Variants in SYCP1 observed in about 807,000 individuals in gnomAD.
The protein encoded by SYCP1 is synaptonemal complex protein 1.
Under a neutral mutation model 153.1 loss-of-function variants are expected in SYCP1, and 64 were observed. The observed-to-expected ratio is 0.42, with a 90% CI of 0.34 to 0.51. The LOEUF is 0.51. SYCP1 is among the 20% of genes least tolerant of loss of function. The probability of loss-of-function intolerance (pLI) is 0.06; values close to 1 mark genes in which losing one functional copy is unlikely to be tolerated. For synonymous variants in SYCP1, 384 were observed against 341.8 expected (o/e 1.12, Z -1.36); for missense variants, 997 against 1,049.0 (o/e 0.95, Z 0.68).
chr1:114,977,702 A>T, intron 28 of SYCP1, 86 bp downstream of exon 28: 2 of 853,780 alleles, frequency 2.3e-6, no homozygotes, highest in Non-Finnish European at 3.5e-6. Context: ...TATAAGTAGG[A>T]AAATAACATT....
intron 15 of SYCP1, among the ~76,000 whole-genome samples, chr1:114,889,477 G>C (rs925037941): frequency 6.6e-6 from 1 of 152,060 alleles, no homozygotes; most frequent in African/African-American, 2.4e-5. Flanking sequence ...TTTTTCATAT[G>C]TCTGTTGGCT....
chr1:114,857,136 CAAAAAAA>C (rs71582509), intron 3 of SYCP1, 89 bp from the exon 4 acceptor site: 99 of 245,170 alleles, frequency 4.0e-4, no homozygotes, highest in Admixed American at 5.5e-4. Context: ...CTCTCTCTCT[CAAAAAAA>C]AAAAAAAAAA....
chr1:114,930,893 T>C (rs1268849116), intron 23 of SYCP1, among the ~76,000 whole-genome samples: 1 of 151,832 alleles, frequency 6.6e-6, no homozygotes, highest in Non-Finnish European at 1.5e-5. Flanking sequence ...CTAATCTAGA[T>C]TTTAATACAT....
At chr1:114,920,780 G>A (rs1250338377) in intron 20 of SYCP1, among the ~76,000 whole-genome samples, 2 of 151,844 alleles carry the variant, frequency 1.3e-5, no homozygotes, top group Admixed American at 1.3e-4. Flanking sequence ...ATAATGTCTG[G>A]CATAAGTATA....
chr1:114,974,928 C>A (rs1672717708), intron 27 of SYCP1, among the ~76,000 whole-genome samples: 1 of 151,666 alleles, frequency 6.6e-6, no homozygotes, highest in African/African-American at 2.4e-5. Flanking sequence ...GTGACTGTAC[C>A]ATTTGACATT....
At chr1:114,865,384 C>T (rs993219813) in intron 8 of SYCP1, among the ~76,000 whole-genome samples, 3 of 152,194 alleles carry the variant, frequency 2.0e-5, no homozygotes, top group Admixed American at 6.5e-5. Flanking sequence ...TCTGAGTCCT[C>T]TTCAGATTTC....
chr1:114,868,198 G>A (rs1247803638), intron 8 of SYCP1, among the ~76,000 whole-genome samples: 1 of 151,590 alleles, frequency 6.6e-6, no homozygotes, highest in Non-Finnish European at 1.5e-5. Flanking sequence ...CTATTCACAG[G>A]CATGATCATA....
intron 19 of SYCP1, 24 bp from the exon 20 acceptor site, chr1:114,913,951 A>G: frequency 6.8e-7 from 1 of 1,463,718 alleles, no homozygotes; most frequent in Middle Eastern, 2.2e-4. Flanking sequence ...AAAATAATTG[A>G]TATAAACAAC....
At chr1:114,931,811 A>G (rs1228800096) in intron 23 of SYCP1, among the ~76,000 whole-genome samples, 1 of 152,162 alleles carries the variant, frequency 6.6e-6, no homozygotes, top group Non-Finnish European at 1.5e-5. Flanking sequence ...TGATTTCAAG[A>G]TTTGCTGTAA....
chr1:114,957,143 G>A (rs571130756), intron 27 of SYCP1, among the ~76,000 whole-genome samples: 2 of 152,078 alleles, frequency 1.3e-5, no homozygotes, highest in East Asian at 3.9e-4. Context: ...TAGCTCACTG[G>A]AATCTCCAAC....
chr1:114,980,284 GT>G (rs1673065973), intron 28 of SYCP1, among the ~76,000 whole-genome samples: 1 of 151,826 alleles, frequency 6.6e-6, no homozygotes, highest in African/African-American at 2.4e-5. Context: ...ATGAGCATGA[GT>G]TTCATGTAGA....
chr1:114,958,521 A>G (rs1301336505), intron 27 of SYCP1, among the ~76,000 whole-genome samples: 3 of 152,170 alleles, frequency 2.0e-5, no homozygotes, highest in Non-Finnish European at 4.4e-5. Flanking sequence ...ATTATGTATC[A>G]TATACAGATA....
intron 25 of SYCP1, 131 bp from the exon 26 acceptor site, chr1:114,946,158 A>G (rs1268503632): frequency 3.5e-6 from 1 of 285,372 alleles, no homozygotes; most frequent in Non-Finnish European, 6.3e-6. Context: ...ATTTATAAAC[A>G]TAAGTTTCTG....
intron 16 of SYCP1, among the ~76,000 whole-genome samples, chr1:114,902,290 T>TG (rs1303115922): frequency 3.3e-5 from 5 of 152,028 alleles, no homozygotes; most frequent in Non-Finnish European, 5.9e-5. Flanking sequence ...GAGAAAAAGA[T>TG]GTTTTTTTTT....
intron 23 of SYCP1, among the ~76,000 whole-genome samples, chr1:114,941,853 A>G (rs1670412660): frequency 6.6e-6 from 1 of 152,136 alleles, no homozygotes; most frequent in African/African-American, 2.4e-5. Context: ...AAAATATTGT[A>G]TTAAATTACC....
intron 21 of SYCP1, among the ~76,000 whole-genome samples, chr1:114,925,164 T>C (rs985229054): frequency 6.6e-6 from 1 of 152,144 alleles, no homozygotes; most frequent in African/African-American, 2.4e-5. Flanking sequence ...ATTTTTCCTT[T>C]AGTTCATATT....
chr1:114,895,087 C>T (rs533530283), intron 15 of SYCP1, among the ~76,000 whole-genome samples: 2 of 152,142 alleles, frequency 1.3e-5, no homozygotes, highest in South Asian at 4.1e-4. Context: ...AAGAGAATCA[C>T]TTCTTTTAAG....
intron 30 of SYCP1, among the ~76,000 whole-genome samples, chr1:114,987,739 A>G (rs1673614035): frequency 6.6e-6 from 1 of 152,014 alleles, no homozygotes; most frequent in African/African-American, 2.4e-5. Context: ...AATATGATCC[A>G]TTCAAAGGAA....
At chr1:114,914,084 G>T (rs1442114240) in intron 20 of SYCP1, 39 bp downstream of exon 20, 2 of 1,438,354 alleles carry the variant, frequency 1.4e-6, no homozygotes, top group Non-Finnish European at 1.9e-6. Context: ...TCTGGCAAAA[G>T]ATTTTGATAT....
Sources: gnomAD v4.1 joint callset for allele counts (sites outside exome capture counted in the v4.1 genomes callset) on GRCh38, gnomAD v4.1.1 for gene constraint, MANE v1.5 for transcripts, NCBI Gene and HGNC (gene_info 2026-07-23, HGNC 2026-07-21) for gene names.